BCR: variants seen among roughly 807,000 people sequenced by gnomAD.
BCR encodes BCR activator of RhoGEF and GTPase, also known as breakpoint cluster region protein.
In BCR, 58 loss-of-function variants were observed where a neutral mutation model predicts 138.6. The ratio of observed to expected loss-of-function variants is 0.42; its 90% confidence interval spans 0.34 to 0.52. BCR has a LOEUF of 0.52. BCR is among the 20% of genes least tolerant of loss of function. The pLI, the probability that BCR is intolerant of heterozygous loss-of-function variation, is 0.06. For missense variants in BCR, 1,599 were observed against 1,727.2 expected (o/e 0.93, Z 1.32); for synonymous variants, 786 against 730.1 (o/e 1.08, Z -1.23).
chr22:23,242,640 TCTCTCTCACAGA>T (rs2073106461), intron 1 of BCR, among the ~76,000 whole-genome samples: 1 of 152,166 alleles, frequency 6.6e-6, no homozygotes, highest in Non-Finnish European at 1.5e-5. Flanking sequence ...GTCGCATTCT[TCTCTCTCACAGA>T]CTCTGCCCCT....
At position 23,262,049 on chromosome 22, in the gene BCR, C is replaced by T. The variant is rs146511515; in HGVS notation, c.1752+509C>T. On this transcript the variant is annotated intron_variant, in intron 4 of 22. Coordinates refer to ENST00000305877, the MANE Select transcript of BCR (RefSeq NM_004327.4). ...CCGCGTAGCTGGGGCTATAGGTGCA[C>T]GCCACCACACCCTGTGTGTGGCTGG... 160 of 153,504 alleles carry T rather than the reference C, an allele frequency of 1.0e-3. 4 individuals carry two copies. The East Asian group carries it at 0.028, about 27-fold the overall frequency. 9.5% of individuals were successfully genotyped at this position (153,504 alleles called of 1,614,324 possible). A position where few individuals can be genotyped will look rare whatever the true frequency, so the allele number is the denominator to read the frequency against.
chr22:23,201,657 A>G lies in BCR; in HGVS notation c.1279+19418A>G, dbSNP rs188636110. ...TATTTTTAGTAGAGGTGGTTTCACC[A>G]TGTTAGCCAGGATGGTCTCGATCTC... On this transcript the variant is annotated intron_variant, in intron 1 of 22. Transcript: ENST00000305877. Among the ~76,000 whole-genome samples the G allele has an allele frequency of 9.4e-3, 1,434 of 152,146 alleles. 22 individuals carry two copies. The highest frequency in any genetic ancestry group is 0.033 in the African/African-American group (1,370 of 41,488).
chr22:23,254,574 C>CG (rs767645714), intron 2 of BCR: 3 of 518,802 alleles, frequency 5.8e-6, no homozygotes, highest in Admixed American at 1.9e-5. Flanking sequence ...CCCACGCCCC[C>CG]CCTCACATGA....
intron 16 of BCR, chr22:23,302,851 C>G (rs1052792753): frequency 2.6e-5 from 4 of 152,198 alleles, no homozygotes; most frequent in African/African-American, 7.2e-5. Flanking sequence ...CAGATTCCTT[C>G]CTGTCTAGCC....
intron 8 of BCR, among the ~76,000 whole-genome samples, chr22:23,279,588 C>T (rs959338298): frequency 1.3e-5 from 2 of 152,240 alleles, no homozygotes; most frequent in Admixed American, 6.5e-5. Context: ...AGGGCCCCCC[C>T]ACCAGCCAGC....
intron 16 of BCR, 137 bp from the exon 17 acceptor site, chr22:23,309,287 C>T: frequency 2.5e-6 from 2 of 816,270 alleles, no homozygotes; most frequent in Non-Finnish European, 4.1e-6. Context: ...CTCTGTTGGC[C>T]TCTGGATGGA....
intron 2 of BCR, among the ~76,000 whole-genome samples, chr22:23,259,089 A>G (rs1267546868): frequency 6.6e-6 from 1 of 152,258 alleles, no homozygotes; most frequent in East Asian, 1.9e-4. Context: ...GCCAGGGAGT[A>G]GGCGGGAGTG....
chr22:23,287,129 G>A, intron 10 of BCR, 30 bp from the exon 11 acceptor site: 6 of 1,568,476 alleles, frequency 3.8e-6, no homozygotes, highest in Non-Finnish European at 5.2e-6. Context: ...CGCTGGAATG[G>A]GAAGGTGAGG....
rs372118529 is a variant in BCR, at chr22:23,210,350, G to A, written c.1279+28111G>A. ...GAAGATAGCTTGAGCCCGGGAGGTC[G>A]AGGTTGCGGTGAGCCACAATTGTGC... On this transcript the variant is annotated intron_variant, in intron 1 of 22. Coordinates refer to ENST00000305877, the MANE Select transcript of BCR (RefSeq NM_004327.4). Among the ~76,000 whole-genome samples, 396 of 151,856 alleles carry A rather than the reference G, an allele frequency of 2.6e-3. 3 individuals carry two copies. The highest frequency in any genetic ancestry group is 9.1e-3 in the African/African-American group (375 of 41,364).
At chr22:23,294,618 C>T (rs763730859) in intron 15 of BCR, among the ~76,000 whole-genome samples, 3 of 152,166 alleles carry the variant, frequency 2.0e-5, no homozygotes, top group Non-Finnish European at 4.4e-5. Context: ...TAGTTAGTCT[C>T]GTACTCCTGG....
intron 1 of BCR, among the ~76,000 whole-genome samples, chr22:23,227,281 C>G (rs1374431186): frequency 6.6e-6 from 1 of 152,170 alleles, no homozygotes; most frequent in African/African-American, 2.4e-5. Flanking sequence ...TTATTGTGTT[C>G]CGTCTAGAAA....
Position 23,289,693 on chromosome 22 carries a change from C to A in BCR, c.2707+72C>A, listed in dbSNP as rs546640768. 128 of 1,321,066 alleles carry A rather than the reference C, an allele frequency of 9.7e-5. No homozygotes were observed. In the East Asian group the frequency reaches 2.4e-3, roughly 25 times the overall value. The allele number at this position is 1,321,066 out of a possible 1,614,324, so 81.8% of individuals were successfully genotyped here. ...GCAGCTAGCCTGAAGGCTGATCCCC[C>A]CTTCCTGTTAGCACTTTTGATGGGA... On this transcript the variant is annotated intron_variant, in intron 13 of 22. Coordinates refer to ENST00000305877, the MANE Select transcript of BCR (RefSeq NM_004327.4).
intron 4 of BCR, chr22:23,263,555 A>G: frequency 6.3e-7 from 1 of 1,574,916 alleles, no homozygotes; most frequent in Non-Finnish European, 8.7e-7. Context: ...AGTTCCGTCC[A>G]GATGGTGCCA....
chr22:23,200,828 G>A (rs1180132809), intron 1 of BCR, among the ~76,000 whole-genome samples: 2 of 152,206 alleles, frequency 1.3e-5, no homozygotes, highest in East Asian at 3.9e-4. Context: ...CCAAAGTGCT[G>A]GGACTCCAGG....
chr22:23,244,394 T>TG (rs2073131521), intron 1 of BCR, among the ~76,000 whole-genome samples: 2 of 152,188 alleles, frequency 1.3e-5, no homozygotes, highest in Non-Finnish European at 2.9e-5. Context: ...CCCACTACAG[T>TG]GGGCTTCTCA....
chr22:23,249,257 G>A lies in BCR; in HGVS notation c.1280-4542G>A, dbSNP rs1462442663. 1.6e-4 allele frequency among the ~76,000 whole-genome samples: 25 copies of A among 151,812 alleles called. No individual in the cohort carries two copies. The East Asian group carries it at 2.7e-3, about 16-fold the overall frequency. On this transcript the variant is annotated intron_variant, in intron 1 of 22. Coordinates refer to ENST00000305877, the MANE Select transcript of BCR (RefSeq NM_004327.4). ...ATCCTGGCTAACATGGTGAAACTCC[G>A]TCTCTACTAAAAATACAAAAAAAAA...
intron 1 of BCR, among the ~76,000 whole-genome samples, chr22:23,189,147 A>T (rs1158416110): frequency 6.6e-6 from 1 of 152,152 alleles, no homozygotes; most frequent in Non-Finnish European, 1.5e-5. Flanking sequence ...GGCCTGAGCC[A>T]CTGCGCCCGG....
rs143528728 is a variant in BCR at position 23,270,663 on chromosome 22, T to A, written c.1861-869T>A. 4.4e-3 allele frequency among the ~76,000 whole-genome samples: 668 copies of A among 152,368 alleles called. 5 individuals are homozygous for A. The highest frequency in any genetic ancestry group is 7.8e-3 in the Non-Finnish European group (529 of 68,034). On this transcript the variant is annotated intron_variant, in intron 5 of 22. Transcript: ENST00000305877. ...ACACTTTCGTCTGGTCTTGAGATGT[T>A]TCCTGCAGCACAAGAGGTTGGCAGA... is the stretch of plus-strand genomic sequence containing the variant.
At chr22:23,208,574 C>CA (rs1412920218) in intron 1 of BCR, among the ~76,000 whole-genome samples, 1 of 152,202 alleles carries the variant, frequency 6.6e-6, no homozygotes, top group Non-Finnish European at 1.5e-5. Context: ...TGGACTCAGC[C>CA]AGGCACTGTG....
Sources: gnomAD v4.1 joint callset for allele counts (sites outside exome capture counted in the v4.1 genomes callset) on GRCh38, gnomAD v4.1.1 for gene constraint, MANE v1.5 for transcripts, NCBI Gene and HGNC (gene_info 2026-07-23, HGNC 2026-07-21) for gene names.